CPE: variants seen among roughly 807,000 people sequenced by gnomAD.
CPE encodes the protein carboxypeptidase E.
CPE carries 17 observed loss-of-function variants against 53.5 expected under a neutral mutation model. The ratio of observed to expected loss-of-function variants is 0.32; its 90% CI spans 0.22 to 0.48. The LOEUF (loss-of-function observed/expected upper bound fraction) is 0.48. Among genes scored for constraint, CPE ranks in the 20% least tolerant of loss-of-function variants. The pLI is 0.99. For missense variants in CPE, 524 were observed against 614.7 expected (o/e 0.85, Z 1.56); for synonymous variants, 226 against 228.8 (o/e 0.99, Z 0.11).
chr4:165,467,396 A>G (rs540432141), intron 2 of CPE, among the ~76,000 whole-genome samples: 22 of 152,356 alleles, frequency 1.4e-4, no homozygotes, highest in Non-Finnish European at 2.6e-4. Flanking sequence ...AGGATCATCA[A>G]AATGTCACTA....
At chr4:165,456,643 T>C in intron 1 of CPE, among the ~76,000 whole-genome samples, 1 of 151,828 alleles carries the variant, frequency 6.6e-6, no homozygotes, top group Non-Finnish European at 1.5e-5. Flanking sequence ...CTCGGCTCAT[T>C]GCAAGCTCCG....
intron 2 of CPE, among the ~76,000 whole-genome samples, chr4:165,465,476 C>T (rs1363790918): frequency 2.0e-5 from 3 of 151,964 alleles, no homozygotes; most frequent in Non-Finnish European, 4.4e-5. Context: ...ACATGGGCAA[C>T]AGATTATCAT....
chr4:165,418,623 C>T (rs1480963468), intron 1 of CPE, among the ~76,000 whole-genome samples: 1 of 152,104 alleles, frequency 6.6e-6, no homozygotes, highest in Admixed American at 6.6e-5. Context: ...AATTATAAAA[C>T]GTGTTTTGTT....
At chr4:165,465,578 A>T (rs1229869542) in intron 2 of CPE, among the ~76,000 whole-genome samples, 1 of 152,112 alleles carries the variant, frequency 6.6e-6, no homozygotes, top group Non-Finnish European at 1.5e-5. Context: ...TATCTATATC[A>T]TGTGATATAA....
chr4:165,404,855 G>A, intron 1 of CPE: 1 of 764,658 alleles, frequency 1.3e-6, no homozygotes, highest in South Asian at 1.3e-5. Context: ...GTCTGCGGGA[G>A]AGAAGTAGTG....
Position 165,497,788 on chromosome 4 carries a change from T to A in CPE, c.*178T>A, listed in dbSNP as rs182118585. ...CTTAGGTAAAAATATAAGAACTTGA[T>A]ATATTTCATTCTCTTATATAGTATT... On this transcript the variant is annotated 3_prime_UTR_variant, in exon 9 of 9. Transcript: ENST00000402744. 4.5e-4 allele frequency: 155 copies of A among 345,344 alleles called. No individual in the cohort carries two copies. The highest frequency in any genetic ancestry group is 3.2e-3 in the African/African-American group (151 of 47,500). The allele number at this position is 345,344 out of a possible 1,614,324, so 21.4% of individuals were successfully genotyped here.
intron 1 of CPE, among the ~76,000 whole-genome samples, chr4:165,420,305 T>C (rs1044614972): frequency 2.6e-5 from 4 of 152,188 alleles, no homozygotes; most frequent in African/African-American, 9.6e-5. Context: ...CAGAAAATTA[T>C]AGCAGTTATG....
chr4:165,494,893 G>A (rs563994528), intron 7 of CPE, among the ~76,000 whole-genome samples: 217 of 152,274 alleles, frequency 1.4e-3, no homozygotes, highest in African/African-American at 4.9e-3. Context: ...AAAGGAGAAG[G>A]TGTGAAGTGT....
At chr4:165,410,432 T>C (rs1033870892) in intron 1 of CPE, among the ~76,000 whole-genome samples, 2 of 152,160 alleles carry the variant, frequency 1.3e-5, no homozygotes, top group African/African-American at 4.8e-5. Context: ...CGGCACTGGG[T>C]AAGTAAACAA....
chr4:165,496,103 A>G (rs1202411847), intron 8 of CPE, among the ~76,000 whole-genome samples: 4 of 152,186 alleles, frequency 2.6e-5, no homozygotes, highest in African/African-American at 9.7e-5. Flanking sequence ...CTCTGTGCTA[A>G]GTAGTATCAA....
intron 3 of CPE, among the ~76,000 whole-genome samples, chr4:165,475,940 T>C (rs1732291673): frequency 6.6e-6 from 1 of 152,136 alleles, no homozygotes; most frequent in South Asian, 2.1e-4. Context: ...GGAAACTGCA[T>C]ACAGGGGTTG....
intron 1 of CPE, among the ~76,000 whole-genome samples, chr4:165,446,007 G>T (rs946667164): frequency 1.3e-5 from 2 of 151,960 alleles, no homozygotes; most frequent in Non-Finnish European, 2.9e-5. Context: ...AATTCAGAGG[G>T]AAAACGATGT....
chr4:165,426,434 A>G (rs1052872538), intron 1 of CPE, among the ~76,000 whole-genome samples: 7 of 152,182 alleles, frequency 4.6e-5, no homozygotes, highest in African/African-American at 1.7e-4. Context: ...TTTAATACTT[A>G]AAGTGTGGTG....
chr4:165,462,391 G>A (rs1021177848), intron 1 of CPE, among the ~76,000 whole-genome samples: 2 of 152,142 alleles, frequency 1.3e-5, no homozygotes, highest in African/African-American at 2.4e-5. Context: ...GTAATTAGGG[G>A]TTGTGGGCCA....
intron 1 of CPE, among the ~76,000 whole-genome samples, chr4:165,381,661 G>C (rs79354808): frequency 6.6e-6 from 1 of 152,032 alleles, no homozygotes; most frequent in Non-Finnish European, 1.5e-5. Context: ...ACTAACAAAA[G>C]TACAAGGTGA....
intron 1 of CPE, among the ~76,000 whole-genome samples, chr4:165,406,797 G>C (rs1371298000): frequency 6.6e-6 from 1 of 152,150 alleles, no homozygotes; most frequent in Non-Finnish European, 1.5e-5. Flanking sequence ...TAGGCCACCA[G>C]ACTAATCGAC....
chr4:165,487,683 A>C (rs1189368057), intron 6 of CPE, 106 bp downstream of exon 6: 11 of 1,264,088 alleles, frequency 8.7e-6, no homozygotes, highest in Non-Finnish European at 9.8e-6. Flanking sequence ...GTGCAGAATG[A>C]GGATGCCATA....
intron 1 of CPE, among the ~76,000 whole-genome samples, chr4:165,408,563 G>C (rs543085411): frequency 1.3e-5 from 2 of 152,342 alleles, no homozygotes; most frequent in South Asian, 4.1e-4. Context: ...TAGATTATCT[G>C]CTTCCAAAAC....
At chr4:165,466,647 G>C (rs1732109319) in intron 2 of CPE, among the ~76,000 whole-genome samples, 1 of 151,948 alleles carries the variant, frequency 6.6e-6, no homozygotes, top group Non-Finnish European at 1.5e-5. Context: ...CTCCCAAGTA[G>C]CTGGGATTAC....
Sources: gnomAD v4.1 joint callset for allele counts (sites outside exome capture counted in the v4.1 genomes callset) on GRCh38, gnomAD v4.1.1 for gene constraint, MANE v1.5 for transcripts, NCBI Gene and HGNC (gene_info 2026-07-23, HGNC 2026-07-21) for gene names.